The following ZHX3 variants were observed in gnomAD, a reference collection of about 807,000 sequenced individuals.
ZHX3 encodes the protein zinc fingers and homeoboxes protein 3.
A neutral mutation model predicts 64.5 loss-of-function variants in ZHX3; 20 were observed. The ratio of observed to expected loss-of-function variants is 0.31; its 90% CI spans 0.22 to 0.45. The LOEUF (loss-of-function observed/expected upper bound fraction) is 0.45, where lower values mean the gene tolerates loss of function less well. ZHX3 is among the 20% of genes least tolerant of loss of function. The probability of loss-of-function intolerance (pLI) is 1.00; values close to 1 mark genes in which losing one functional copy is unlikely to be tolerated. For synonymous variants in ZHX3, 423 were observed against 461.6 expected, an observed-to-expected ratio of 0.92 and a Z score of 1.07; for missense variants, 1,041 against 1,195.8, an observed-to-expected ratio of 0.87 and a Z score of 1.91.
intron 1 of ZHX3, among the ~76,000 whole-genome samples, chr20:41,271,295 G>A (rs1160352624): frequency 1.3e-5 from 2 of 152,224 alleles, no homozygotes; most frequent in African/African-American, 4.8e-5. Context: ...TGGGATTACA[G>A]GCGTGAGCCA....
intron 1 of ZHX3, among the ~76,000 whole-genome samples, chr20:41,273,153 A>G (rs528024978): frequency 2.4e-4 from 37 of 152,118 alleles, no homozygotes; most frequent in Non-Finnish European, 1.5e-5. Flanking sequence ...AAATCTTTTC[A>G]TATGTTTCTT....
chr20:41,298,390 C>T (rs1800974266), intron 1 of ZHX3, among the ~76,000 whole-genome samples: 1 of 152,176 alleles, frequency 6.6e-6, no homozygotes, highest in South Asian at 2.1e-4. Context: ...TATGAGGGCT[C>T]AATAAATGCT....
intron 1 of ZHX3, among the ~76,000 whole-genome samples, chr20:41,309,340 T>C (rs2146834219): frequency 6.6e-6 from 1 of 152,330 alleles, no homozygotes; most frequent in Non-Finnish European, 1.5e-5. Flanking sequence ...ACAGCTGCAT[T>C]TCCCAAACTT....
rs188205090 is a variant in ZHX3, at chr20:41,255,675, C to T, written c.-151+13315G>A. Among the ~76,000 whole-genome samples the T allele has an allele frequency of 2.6e-5, 4 of 152,252 alleles. No individual in the cohort carries two copies. The East Asian group carries it at 7.7e-4, about 29-fold the overall frequency. ...CGTCCCAGAGCCTCTAGAGGAAGGG[C>T]CAGGGAAGAGGCTACTAACACTGTG... is the stretch of plus-strand genomic sequence containing the variant. On this transcript the variant is annotated intron_variant, in intron 2 of 3. Transcript: ENST00000683867.
intron 1 of ZHX3, among the ~76,000 whole-genome samples, chr20:41,287,358 T>G (rs180703945): frequency 1.5e-3 from 230 of 152,336 alleles, no homozygotes; most frequent in Middle Eastern, 3.4e-3. Context: ...TGACACATTA[T>G]ATTTATTTAT....
At chr20:41,213,125 C>A (rs2039283674) in intron 2 of ZHX3, among the ~76,000 whole-genome samples, 1 of 152,118 alleles carries the variant, frequency 6.6e-6, no homozygotes, top group South Asian at 2.1e-4. Context: ...TGTATGATTC[C>A]CATTTATATG....
rs558993539 is a variant in ZHX3 at position 41,298,471 on chromosome 20, A to ACTGG, written c.-245+19034_-245+19037dup. ...GCTGGAAATCAAATTCTACAGCCTT[A>ACTGG]CTGGCATCTTACCTGCACCCTAGGG... On this transcript the variant is annotated intron_variant, in intron 1 of 3. Coordinates refer to ENST00000683867, the MANE Select transcript of ZHX3 (RefSeq NM_001384317.1). Among the ~76,000 whole-genome samples the ACTGG allele has an allele frequency of 3.9e-5, 6 of 152,334 alleles. No individual in the cohort carries two copies. In the South Asian group the frequency reaches 1.2e-3, roughly 32 times the overall value.
chr20:41,224,600 C>G lies in ZHX3; in HGVS notation c.-150-19534G>C, dbSNP rs1156791591. ...GCTAGATACAAGTTCTATTCTCCCC[C>G]TCACAGAGGAGGACTTTGAGGTGAA... On this transcript the variant is annotated intron_variant, in intron 2 of 3. Coordinates refer to ENST00000683867, the MANE Select transcript of ZHX3 (RefSeq NM_001384317.1). This position sits in a 1 kb window ranked among gnomAD's most constrained non-coding sequence, Gnocchi z 5.2. Among the ~76,000 whole-genome samples the G allele has an allele frequency of 2.6e-5, 4 of 152,228 alleles. No individual in the cohort carries two copies. Among genetic ancestry groups the G allele is most frequent in the African/African-American group, 9.6e-5 (4 of 41,470 alleles).
chr20:41,210,893 A>C (rs1326157786), intron 2 of ZHX3, among the ~76,000 whole-genome samples: 1 of 152,174 alleles, frequency 6.6e-6, no homozygotes, highest in Non-Finnish European at 1.5e-5. Flanking sequence ...TTTTTTTAAA[A>C]GAAAGGAAAG....
chr20:41,313,389 T>C (rs2045198188), intron 1 of ZHX3, among the ~76,000 whole-genome samples: 1 of 152,008 alleles, frequency 6.6e-6, no homozygotes, highest in Admixed American at 6.6e-5. Flanking sequence ...TCCTGGGAAT[T>C]GATGAGATCA....
chr20:41,265,468 C>T (rs2042796530), intron 2 of ZHX3, among the ~76,000 whole-genome samples: 1 of 152,146 alleles, frequency 6.6e-6, no homozygotes, highest in South Asian at 2.1e-4. Context: ...TCCCAAAGTG[C>T]TGGGATGACA....
intron 1 of ZHX3, among the ~76,000 whole-genome samples, chr20:41,287,652 T>C (rs1336668990): frequency 2.0e-5 from 3 of 152,202 alleles, no homozygotes; most frequent in African/African-American, 7.2e-5. Context: ...GATGGGTACT[T>C]ATGGTGAGAG....
In ZHX3 at chr20:41,278,348, G is replaced by GA. The variant is rs1217069251; in HGVS notation, c.-244-9266dup. ...GACAGAGAGAGACCCTGTCTTGAAG[G>GA]AAAAAAAAAAAGATTATAGTTGGGG... On this transcript the variant is annotated intron_variant, in intron 1 of 3. Transcript: ENST00000683867. 1.2e-4 allele frequency among the ~76,000 whole-genome samples: 15 copies of GA among 130,300 alleles called. 3 individuals carry two copies. The highest frequency in any genetic ancestry group is 2.3e-4 in the East Asian group (1 of 4,306). 85.5% of individuals were successfully genotyped at this position (130,300 alleles called of 152,430 possible).
chr20:41,245,532 G>A (rs1313096636), intron 2 of ZHX3, among the ~76,000 whole-genome samples: 3 of 152,206 alleles, frequency 2.0e-5, no homozygotes, highest in Admixed American at 2.0e-4. Context: ...GGTGAACAAA[G>A]GACCCATGGA....
intron 2 of ZHX3, among the ~76,000 whole-genome samples, chr20:41,246,903 AAC>A (rs1448324670): frequency 2.7e-5 from 4 of 148,410 alleles, no homozygotes; most frequent in African/African-American, 1.0e-4. Context: ...CAAACAAACA[AAC>A]AAAAAAAACT....
At chr20:41,277,433 TA>T (rs1229477075) in intron 1 of ZHX3, among the ~76,000 whole-genome samples, 1 of 152,206 alleles carries the variant, frequency 6.6e-6, no homozygotes, top group Non-Finnish European at 1.5e-5. Flanking sequence ...GAAAAAGGTA[TA>T]TTTTTAAAGT....
intron 1 of ZHX3, among the ~76,000 whole-genome samples, chr20:41,285,777 G>T (rs780046276): frequency 1.3e-5 from 2 of 152,174 alleles, no homozygotes; most frequent in African/African-American, 4.8e-5. Context: ...TTAATAACTA[G>T]TGTTATCACA....
In ZHX3 at chr20:41,281,285, T is replaced by C. The variant is rs541058811; in HGVS notation, c.-244-12202A>G. On this transcript the variant is annotated intron_variant, in intron 1 of 3. Transcript: ENST00000683867. ...GGCAAAATAAAGTTATTTGGGTATA[T>C]ACAACTGCTCCATGAAGTTCACCAC... Among the ~76,000 whole-genome samples the C allele has an allele frequency of 3.3e-5, 5 of 152,304 alleles. No individual in the cohort carries two copies. The East Asian group carries it at 9.6e-4, about 29-fold the overall frequency.
chr20:41,223,777 T>A (rs915011514), intron 2 of ZHX3, among the ~76,000 whole-genome samples: 1 of 152,212 alleles, frequency 6.6e-6, no homozygotes, highest in Non-Finnish European at 1.5e-5. Flanking sequence ...AATGTTAGCA[T>A]ATTTCCCAAA....
Sources: gnomAD v4.1 joint callset for allele counts (sites outside exome capture counted in the v4.1 genomes callset) on GRCh38, gnomAD v4.1.1 for gene constraint, Gnocchi (gnomAD v3.1) non-coding constraint, MANE v1.5 for transcripts, NCBI Gene and HGNC (gene_info 2026-07-23, HGNC 2026-07-21) for gene names.